KHDRBS3: variants seen among roughly 807,000 people sequenced by gnomAD.
KHDRBS3 encodes the protein KH RNA binding domain containing, signal transduction associated 3, also known as KH domain-containing, RNA-binding, signal transduction-associated protein 3.
KHDRBS3 carries 23 observed loss-of-function variants against 45.6 expected under a neutral mutation model. The observed-to-expected ratio is 0.50, with a 90% CI of 0.36 to 0.72. The LOEUF (loss-of-function observed/expected upper bound fraction) is 0.72. KHDRBS3 is among the 30% of genes least tolerant of loss of function. KHDRBS3 has a pLI of 0.00. For synonymous variants in KHDRBS3, 162 were observed against 156.5 expected (o/e 1.04, Z -0.26); for missense variants, 352 against 424.8 (o/e 0.83, Z 1.51).
intron 1 of KHDRBS3, among the ~76,000 whole-genome samples, chr8:135,467,225 A>G (rs1185034127): frequency 6.6e-6 from 1 of 152,258 alleles, no homozygotes; most frequent in Non-Finnish European, 1.5e-5. Context: ...CGTTGTATCT[A>G]AGATGAGATT....
intron 1 of KHDRBS3, among the ~76,000 whole-genome samples, chr8:135,475,013 C>T (rs1586569489): frequency 1.3e-5 from 2 of 152,210 alleles, no homozygotes; most frequent in South Asian, 4.1e-4. Context: ...TGAATGTTTT[C>T]GCTCTGCCAT....
chr8:135,463,817 C>T (rs1356684695), intron 1 of KHDRBS3, among the ~76,000 whole-genome samples: 5 of 152,134 alleles, frequency 3.3e-5, no homozygotes, highest in African/African-American at 1.2e-4. Context: ...TCACCAGTCC[C>T]GCTGAGTGAA....
At chr8:135,592,031 TTTAGATAAAAAG>T (rs1301893469) in intron 6 of KHDRBS3, among the ~76,000 whole-genome samples, 3 of 152,166 alleles carry the variant, frequency 2.0e-5, no homozygotes, top group African/African-American at 7.2e-5. Flanking sequence ...ACCTTTTTAT[TTTAGATAAAAAG>T]ATGAAGGTTC....
intron 7 of KHDRBS3, chr8:135,625,520 G>A: frequency 1.2e-6 from 1 of 830,490 alleles, no homozygotes. Context: ...TGCACTGCTA[G>A]AACTGAGAGG....
At chr8:135,649,617 G>A (rs766990903), downstream of KHDRBS3, among the ~76,000 whole-genome samples, 3 of 151,970 alleles carry the variant, frequency 2.0e-5, no homozygotes, top group African/African-American at 4.8e-5. Flanking sequence ...GTTGTTGTTC[G>A]TTTTTCTCTT....
At chr8:135,525,411 G>T (rs2130678248) in intron 2 of KHDRBS3, among the ~76,000 whole-genome samples, 1 of 152,242 alleles carries the variant, frequency 6.6e-6, no homozygotes, top group Non-Finnish European at 1.5e-5. Flanking sequence ...GGTTTTCTCA[G>T]TCTCTGCCAC....
chr8:135,587,059 T>C (rs1050945471), intron 6 of KHDRBS3, among the ~76,000 whole-genome samples: 1 of 152,234 alleles, frequency 6.6e-6, no homozygotes, highest in Non-Finnish European at 1.5e-5. Context: ...TAAATACTTA[T>C]ATTATGCCCA....
chr8:135,651,820 A>G (rs996629911), downstream of KHDRBS3, among the ~76,000 whole-genome samples: 1 of 152,174 alleles, frequency 6.6e-6, no homozygotes, highest in African/African-American at 2.4e-5. Flanking sequence ...TGTGAGCAAG[A>G]TGATTCCTAA....
At position 135,532,285 on chromosome 8, in the gene KHDRBS3, T is replaced by C. The variant is rs1378386044; in HGVS notation, c.208-10369T>C. 3.3e-5 allele frequency among the ~76,000 whole-genome samples: 5 copies of C among 152,200 alleles called. No individual in the cohort carries two copies. The East Asian group carries it at 7.7e-4, about 23-fold the overall frequency. On this transcript the variant is annotated intron_variant, in intron 2 of 8. Transcript: ENST00000355849. Reference sequence around the variant, plus strand: ...AATTATTAAACTTAAAATGTCCCATTGAGCTAATAAAAGTATCGATCGGTT... The same window carrying C: ...AATTATTAAACTTAAAATGTCCCATCGAGCTAATAAAAGTATCGATCGGTT...
intron 1 of KHDRBS3, chr8:135,458,915 A>G (rs1298329228): frequency 6.6e-6 from 3 of 456,114 alleles, no homozygotes; most frequent in African/African-American, 4.0e-5. Context: ...TGCACGGTAA[A>G]TTAAGCCTTC....
intron 1 of KHDRBS3, among the ~76,000 whole-genome samples, chr8:135,480,813 T>G (rs1822525504): frequency 6.6e-6 from 1 of 152,212 alleles, no homozygotes; most frequent in Admixed American, 6.5e-5. Flanking sequence ...TTGTGAATAC[T>G]GTTTTTCATA....
At chr8:135,465,053 C>T (rs1821629367) in intron 1 of KHDRBS3, among the ~76,000 whole-genome samples, 1 of 152,202 alleles carries the variant, frequency 6.6e-6, no homozygotes, top group South Asian at 2.1e-4. Flanking sequence ...AGGGGCATGG[C>T]AAAACGGCAT....
chr8:135,525,325 A>AT (rs1825125885), intron 2 of KHDRBS3, among the ~76,000 whole-genome samples: 2 of 152,090 alleles, frequency 1.3e-5, no homozygotes, highest in Non-Finnish European at 2.9e-5. Flanking sequence ...ATTTCAGAAG[A>AT]TTTTATACAT....
At chr8:135,515,580 G>T (rs1260856311) in intron 1 of KHDRBS3, among the ~76,000 whole-genome samples, 1 of 151,870 alleles carries the variant, frequency 6.6e-6, no homozygotes, top group Non-Finnish European at 1.5e-5. Context: ...CTGGCTTTGA[G>T]CTGGGTTAAG....
chr8:135,492,042 ATTTG>A lies in KHDRBS3; in HGVS notation c.89-29189_89-29186del, dbSNP rs552210877. Among the ~76,000 whole-genome samples the A allele has an allele frequency of 1.1e-3, 169 of 152,066 alleles. 1 individual carries two copies. Among genetic ancestry groups the A allele is most frequent in the Non-Finnish European group, 1.9e-3 (129 of 67,982 alleles). ...TTTGAGTACCTTTTTAAAGAAAAAT[ATTTG>A]TTTGTGACAAAAAGAGAAGTCCATA... On this transcript the variant is annotated intron_variant, in intron 1 of 8. Coordinates refer to ENST00000355849, the MANE Select transcript of KHDRBS3 (RefSeq NM_006558.3).
At chr8:135,476,813 G>A (rs946355732) in intron 1 of KHDRBS3, among the ~76,000 whole-genome samples, 5 of 152,096 alleles carry the variant, frequency 3.3e-5, no homozygotes, top group African/African-American at 9.7e-5. Flanking sequence ...AAAATATAGA[G>A]TAAGGATAAA....
intron 2 of KHDRBS3, chr8:135,542,386 A>G (rs1263451789): frequency 2.7e-6 from 1 of 369,076 alleles, no homozygotes; most frequent in African/African-American, 2.1e-5. Context: ...GCAACCGAGG[A>G]ATTCTGGGAA....
At chr8:135,600,262 T>G (rs1306985417) in intron 6 of KHDRBS3, among the ~76,000 whole-genome samples, 1 of 152,226 alleles carries the variant, frequency 6.6e-6, no homozygotes, top group African/African-American at 2.4e-5. Context: ...GGATTTGCAT[T>G]CTAGGTGTAT....
At chr8:135,654,442 T>G (rs1264310467) in intron 4 of KHDRBS3, among the ~76,000 whole-genome samples, 1 of 152,218 alleles carries the variant, frequency 6.6e-6, no homozygotes, top group Non-Finnish European at 1.5e-5. Context: ...TTCATTATGA[T>G]CTATAAGATT....
Sources: gnomAD v4.1 joint callset for allele counts (sites outside exome capture counted in the v4.1 genomes callset) on GRCh38, gnomAD v4.1.1 for gene constraint, MANE v1.5 for transcripts, NCBI Gene and HGNC (gene_info 2026-07-23, HGNC 2026-07-21) for gene names.